The following TBCD variants were observed in gnomAD, a reference collection of about 807,000 sequenced individuals.
TBCD encodes tubulin-specific chaperone D.
A neutral mutation model predicts 169.3 loss-of-function variants in TBCD; 105 were observed. The observed-to-expected ratio is 0.62, with a 90% CI of 0.53 to 0.73. The LOEUF (loss-of-function observed/expected upper bound fraction) is 0.73. TBCD is among the 30% of genes least tolerant of loss of function. TBCD has a pLI of 0.00. For synonymous variants in TBCD, 700 were observed against 643.9 expected (o/e 1.09, Z -1.32); for missense variants, 1,444 against 1,600.1 (o/e 0.90, Z 1.66).
intron 13 of TBCD, among the ~76,000 whole-genome samples, chr17:82,861,816 C>T (rs997218034): frequency 2.0e-5 from 3 of 151,882 alleles, no homozygotes; most frequent in African/African-American, 7.3e-5. Context: ...GTAAATGGTT[C>T]TGTTAGTATT....
chr17:82,878,056 C>T (rs903764415), intron 14 of TBCD, among the ~76,000 whole-genome samples: 8 of 152,152 alleles, frequency 5.3e-5, no homozygotes, highest in African/African-American at 1.4e-4. Flanking sequence ...ATTGCAAAAC[C>T]AGTGGAGTTC....
rs781599765 is a variant in TBCD at position 82,830,774 on chromosome 17, G to C, written c.1318+15840G>C. On this transcript the variant is annotated intron_variant, in intron 13 of 38. Coordinates refer to ENST00000355528, the MANE Select transcript of TBCD (RefSeq NM_005993.5). ...ATCTCTGATTTCTTGGAGAGGTTGAGGGGGCCCATCCCGGAGCTGTCGTCC... is the reference window on the plus strand; with the variant it reads ...ATCTCTGATTTCTTGGAGAGGTTGACGGGGCCCATCCCGGAGCTGTCGTCC... The C allele has an allele frequency of 1.9e-6, 3 of 1,613,690 alleles. No homozygotes were observed. The African/African-American group carries it at 4.0e-5, about 22-fold the overall frequency.
At chr17:82,802,964 T>C (rs2050685205) in intron 9 of TBCD, among the ~76,000 whole-genome samples, 2 of 152,284 alleles carry the variant, frequency 1.3e-5, no homozygotes, top group African/African-American at 2.4e-5. Flanking sequence ...TTCACGTAAT[T>C]CTAACGTGGT....
chr17:82,804,002 T>G (rs1199286011), intron 9 of TBCD, among the ~76,000 whole-genome samples: 249 of 15,240 alleles, frequency 0.016, no homozygotes, highest in Admixed American at 0.017. Flanking sequence ...TAGGGGAGAG[T>G]GGGGGCCGGG....
intron 6 of TBCD, among the ~76,000 whole-genome samples, chr17:82,780,943 C>A: frequency 6.6e-6 from 1 of 152,038 alleles, no homozygotes; most frequent in East Asian, 2.0e-4. Context: ...CTGCGCCCGG[C>A]CAGATTTGGG....
At chr17:82,811,481 A>G (rs1335118019) in intron 12 of TBCD, among the ~76,000 whole-genome samples, 1 of 152,116 alleles carries the variant, frequency 6.6e-6, no homozygotes, top group Non-Finnish European at 1.5e-5. Flanking sequence ...TTTTGTAGCT[A>G]GGTTCTGGGA....
chr17:82,767,502 C>T (rs1050056349), intron 4 of TBCD, among the ~76,000 whole-genome samples: 3 of 151,996 alleles, frequency 2.0e-5, no homozygotes, highest in Admixed American at 6.6e-5. Flanking sequence ...AGAGCAATGG[C>T]ACAATCTTGG....
At chr17:82,759,209 G>T (rs927101226) in intron 2 of TBCD, among the ~76,000 whole-genome samples, 1 of 151,818 alleles carries the variant, frequency 6.6e-6, no homozygotes, top group South Asian at 2.1e-4. Context: ...TTGGCCAGGC[G>T]CAGTAGCTCA....
intron 15 of TBCD, among the ~76,000 whole-genome samples, chr17:82,888,212 C>G (rs1438188213): frequency 1.3e-5 from 2 of 152,212 alleles, no homozygotes; most frequent in African/African-American, 4.8e-5. Flanking sequence ...GTTTTCTGTT[C>G]TGCTGGTTGG....
chr17:82,830,007 GT>G, intron 13 of TBCD: 3 of 1,390,972 alleles, frequency 2.2e-6, no homozygotes, highest in Non-Finnish European at 2.9e-6. Flanking sequence ...TTGTTTGTTT[GT>G]TTGTTTGTTT....
chr17:82,785,292 G>T (rs2049233550), intron 7 of TBCD, among the ~76,000 whole-genome samples: 1 of 81,306 alleles, frequency 1.2e-5, no homozygotes, highest in Non-Finnish European at 2.6e-5. Context: ...GGGACCACTG[G>T]ACCCGACCCA....
At chr17:82,906,878 C>T (rs1038142309) in intron 20 of TBCD, among the ~76,000 whole-genome samples, 35 of 152,226 alleles carry the variant, frequency 2.3e-4, no homozygotes, top group African/African-American at 8.2e-4. Context: ...GCCTTTATGG[C>T]GCTGCTCTGT....
Position 82,927,953 on chromosome 17 carries a change from G to C in TBCD, c.2658G>C (p.Leu886=). 6.2e-7 allele frequency: 1 copy of C among 1,613,084 alleles called. No homozygotes were observed. The highest frequency in any genetic ancestry group is 1.1e-5 in the South Asian group (1 of 91,090). The change falls in exon 30 of 39, where the codon CTG becomes CTC. Residue 886 remains leucine (L), a synonymous_variant. Transcript: ENST00000355528. ...GTCTGATGGATCTGACACTTCTGCTGGCTCGGAGCCAGCCTGAGCTGATCG... is the reference window on the plus strand; with the variant it reads ...GTCTGATGGATCTGACACTTCTGCTCGCTCGGAGCCAGCCTGAGCTGATCG... ...MTSLMDLTLL[L]ARSQPELIEA... is the part of the protein sequence containing the mutation.
At position 82,929,502 on chromosome 17, in the gene TBCD, TGAG is replaced by T; in HGVS notation, c.2991+7_2991+9del. The stretch of plus-strand genomic sequence containing the variant: ...CTGGGCGGCTTGACGGAGTCGACGG[TGAG>T]GAGGCGTCGGGCTGGCTGGGGCAGG... On this transcript the variant is annotated splice_donor_5th_base_variant and intron_variant, in intron 32 of 38. Transcript: ENST00000355528. 3 of 1,604,536 alleles carry T rather than the reference TGAG, an allele frequency of 1.9e-6. No homozygotes were observed. The highest frequency in any genetic ancestry group is 2.2e-5 in the South Asian group (2 of 91,074).
rs184284264 is a variant in TBCD, at chr17:82,912,703, G to A, written c.2038+914G>A. ...CTGGGATTCGGGGAACCCACGGCCGGATGTCAGGGCTGTACCAGCCTCTTG... is the reference window on the plus strand; with the variant it reads ...CTGGGATTCGGGGAACCCACGGCCGAATGTCAGGGCTGTACCAGCCTCTTG... On this transcript the variant is annotated intron_variant, in intron 23 of 38. Transcript: ENST00000355528. Among the ~76,000 whole-genome samples the A allele has an allele frequency of 2.8e-3, 420 of 152,272 alleles. 1 individual carries two copies. The highest frequency in any genetic ancestry group is 0.02 in the Middle Eastern group (6 of 294).
At chr17:82,821,472 G>A (rs1188999375) in intron 13 of TBCD, among the ~76,000 whole-genome samples, 1 of 152,194 alleles carries the variant, frequency 6.6e-6, no homozygotes, top group Non-Finnish European at 1.5e-5. Context: ...GGGCTGTGTT[G>A]GTGACATAGG....
In TBCD at chr17:82,781,666, C is replaced by T. The variant is rs761583961; in HGVS notation, c.716C>T (p.Ser239Phe). The change falls in exon 7 of 39, where the codon TCC (serine) becomes TTC (phenylalanine). Residue 239 changes from serine to phenylalanine, a missense_variant. Physicochemically the swap from Ser to Phe is radical, Grantham distance 155. Transcript: ENST00000355528. ...LDWSLCNLAR[S>F]SFQTMQGVIT... The stretch of plus-strand genomic sequence containing the variant: ...TGGAGCCTGTGCAATCTGGCCCGTT[C>T]CTCCTTCCAGACCATGCAGGGGGTC... 2.5e-6 allele frequency: 4 copies of T among 1,613,768 alleles called. No homozygotes were observed. The African/African-American group carries it at 4.0e-5, about 16-fold the overall frequency.
intron 23 of TBCD, chr17:82,913,911 C>T (rs182600754): frequency 2.0e-5 from 3 of 152,370 alleles, no homozygotes; most frequent in Admixed American, 2.0e-4. Flanking sequence ...CCTGGAGCCT[C>T]CGTGTGGTTG....
intron 12 of TBCD, among the ~76,000 whole-genome samples, chr17:82,810,265 T>C (rs1218436314): frequency 6.6e-6 from 1 of 152,198 alleles, no homozygotes; most frequent in Non-Finnish European, 1.5e-5. Flanking sequence ...AAGACCAGCC[T>C]GGGCAACGAA....
Sources: allele counts gnomAD v4.1 joint callset (sites outside exome capture counted in the v4.1 genomes callset), GRCh38; gene constraint gnomAD v4.1.1; transcripts MANE v1.5; gene names NCBI Gene and HGNC (gene_info 2026-07-23, HGNC 2026-07-21).